LDLRAD4: variants seen among roughly 807,000 people sequenced by gnomAD.
LDLRAD4 encodes low-density lipoprotein receptor class A domain-containing protein 4.
LDLRAD4 carries 5 observed loss-of-function variants against 17.0 expected under a neutral mutation model. The observed-to-expected ratio is 0.29, with a 90% confidence interval of 0.15 to 0.62. The LOEUF (loss-of-function observed/expected upper bound fraction) is 0.62. Ranked by LOEUF, LDLRAD4 falls within the 20% of genes least tolerant of loss-of-function variation. The pLI is 0.84. For synonymous variants in LDLRAD4, 168 were observed against 171.8 expected, an observed-to-expected ratio of 0.98 and a Z score of 0.17; for missense variants, 340 against 424.7, an observed-to-expected ratio of 0.80 and a Z score of 1.75.
At chr18:13,305,897 T>TA (rs2046883294) in intron 1 of LDLRAD4, among the ~76,000 whole-genome samples, 1 of 152,168 alleles carries the variant, frequency 6.6e-6, no homozygotes, top group African/African-American at 2.4e-5. Flanking sequence ...CTATAGACTC[T>TA]AATAAGATTT....
chr18:13,440,299 A>G lies in LDLRAD4; in HGVS notation c.181+1915A>G, dbSNP rs7242431. Among the ~76,000 whole-genome samples, 1 of 151,950 alleles carries G rather than the reference A, an allele frequency of 6.6e-6. No homozygotes were observed. The highest frequency in any genetic ancestry group is 2.4e-5 in the African/African-American group (1 of 41,342). On this transcript the variant is annotated intron_variant, in intron 3 of 5. Transcript: ENST00000359446. This position sits in a 1 kb window ranked among gnomAD's most constrained non-coding sequence, Gnocchi z 4.4. ...CTCCTCCCTCGCTCCCTTTCTTGTC[A>G]GTATTCTTTCCGGTTTTTGAGGCCT...
chr18:13,279,790 C>G (rs890798555), intron 1 of LDLRAD4: 3 of 152,348 alleles, frequency 2.0e-5, no homozygotes, highest in Non-Finnish European at 4.4e-5. Flanking sequence ...CTCTGCAGAA[C>G]TGCGTGGCGC....
intron 1 of LDLRAD4, among the ~76,000 whole-genome samples, chr18:13,379,363 A>C (rs561154321): frequency 6.6e-6 from 1 of 152,334 alleles, no homozygotes; most frequent in East Asian, 1.9e-4. Flanking sequence ...CCATAGATTG[A>C]AAAGGAGGTG....
At chr18:13,226,180 C>CTTTTGTT (rs2041782443) in intron 1 of LDLRAD4, among the ~76,000 whole-genome samples, 1 of 52,188 alleles carries the variant, frequency 1.9e-5, no homozygotes, top group Non-Finnish European at 3.3e-5. Flanking sequence ...CCATGCCTTG[C>CTTTTGTT]TTTTTTTTTT....
intron 1 of LDLRAD4, among the ~76,000 whole-genome samples, chr18:13,220,079 C>T (rs901702182): frequency 1.3e-5 from 2 of 152,182 alleles, no homozygotes; most frequent in Non-Finnish European, 2.9e-5. Context: ...ATTTGGTTTC[C>T]CATCAACCCT....
chr18:13,314,277 AT>A (rs1365872488), intron 1 of LDLRAD4, among the ~76,000 whole-genome samples: 1 of 152,212 alleles, frequency 6.6e-6, no homozygotes, highest in Non-Finnish European at 1.5e-5. Context: ...TTTTGTTCTG[AT>A]TTAGTGGAAT....
chr18:13,588,411 T>C (rs551968369), intron 3 of LDLRAD4, among the ~76,000 whole-genome samples: 38 of 152,350 alleles, frequency 2.5e-4, no homozygotes, highest in African/African-American at 8.7e-4. Flanking sequence ...AATCTATTGA[T>C]TTCTTCATTT....
intron 3 of LDLRAD4, among the ~76,000 whole-genome samples, chr18:13,538,815 T>G (rs1356581047): frequency 6.6e-6 from 1 of 152,228 alleles, no homozygotes; most frequent in Non-Finnish European, 1.5e-5. Flanking sequence ...CATGAGCCAC[T>G]GTGCCTGGCC....
chr18:13,304,357 CAGTT>C (rs1453319280), intron 1 of LDLRAD4, among the ~76,000 whole-genome samples: 25 of 152,334 alleles, frequency 1.6e-4, no homozygotes, highest in African/African-American at 5.3e-4. Context: ...CCTGAGCTCA[CAGTT>C]GGTTGGTACT....
At chr18:13,609,404 G>A (rs759568990) in intron 3 of LDLRAD4, among the ~76,000 whole-genome samples, 6 of 152,094 alleles carry the variant, frequency 3.9e-5, no homozygotes, top group Non-Finnish European at 7.4e-5. Context: ...TAGTACATCC[G>A]CCCAGACAGC....
chr18:13,249,594 TC>T (rs1247777228), intron 1 of LDLRAD4, among the ~76,000 whole-genome samples: 3 of 151,112 alleles, frequency 2.0e-5, no homozygotes, highest in African/African-American at 7.4e-5. Context: ...TAAAATTAGA[TC>T]TTTTTTTTTT....
rs72874888 is a variant in LDLRAD4 at position 13,425,705 on chromosome 18, G to A, written c.41-12539G>A. The stretch of plus-strand genomic sequence containing the variant: ...GAGTGAGGACCAGCGTGAGTTTTCC[G>A]TGCTGGGGTTGACGGCCTGGGGAGG... On this transcript the variant is annotated intron_variant, in intron 2 of 5. Transcript: ENST00000359446. 5.9e-5 allele frequency among the ~76,000 whole-genome samples: 9 copies of A among 152,360 alleles called. No individual in the cohort carries two copies. The South Asian group carries it at 1.2e-3, about 21-fold the overall frequency.
chr18:13,550,527 A>T (rs1361070215), intron 3 of LDLRAD4, among the ~76,000 whole-genome samples: 1 of 152,218 alleles, frequency 6.6e-6, no homozygotes, highest in East Asian at 1.9e-4. Flanking sequence ...TCATAAACAC[A>T]TGCTGTGAGA....
intron 2 of LDLRAD4, among the ~76,000 whole-genome samples, chr18:13,404,036 C>T (rs1027783521): frequency 3.3e-5 from 5 of 152,242 alleles, no homozygotes; most frequent in African/African-American, 1.2e-4. Flanking sequence ...TTGATTCCCA[C>T]CCTGTCCCCC....
chr18:13,405,114 C>T (rs576980810), intron 2 of LDLRAD4, among the ~76,000 whole-genome samples: 9 of 151,428 alleles, frequency 5.9e-5, no homozygotes, highest in South Asian at 2.1e-4. Flanking sequence ...TGAACAAATA[C>T]AAAATTATTA....
chr18:13,532,754 G>A (rs962254894), intron 3 of LDLRAD4, among the ~76,000 whole-genome samples: 1 of 152,212 alleles, frequency 6.6e-6, no homozygotes, highest in African/African-American at 2.4e-5. Context: ...AATAGCAGTG[G>A]CGCTTGTGAA....
rs1363984779 is a variant in LDLRAD4, at chr18:13,261,986, A to G, written c.-466-16119A>G. The stretch of plus-strand genomic sequence containing the variant: ...GTCCCGTGTGGCTCTGTGTGTGGAA[A>G]CTGAGTCCCGTGGGGCTCTGTGCGT... On this transcript the variant is annotated intron_variant, in intron 1 of 5. Transcript: ENST00000399848. Among the ~76,000 whole-genome samples the G allele has an allele frequency of 2.0e-3, 301 of 149,128 alleles. 1 individual carries two copies. Among genetic ancestry groups the G allele is most frequent in the South Asian group, 0.012 (54 of 4,516 alleles).
chr18:13,322,379 A>G (rs1038297463), intron 1 of LDLRAD4, among the ~76,000 whole-genome samples: 16 of 143,480 alleles, frequency 1.1e-4, no homozygotes, highest in Non-Finnish European at 2.1e-4. Flanking sequence ...GGCTCACTGC[A>G]ACCTCCACCT....
At chr18:13,582,932 G>A (rs1363878928) in intron 3 of LDLRAD4, among the ~76,000 whole-genome samples, 4 of 152,176 alleles carry the variant, frequency 2.6e-5, no homozygotes, top group Non-Finnish European at 4.4e-5. Context: ...GCCCAGGCTT[G>A]TCTCCAACTC....
Sources: gnomAD v4.1 joint callset for allele counts (sites outside exome capture counted in the v4.1 genomes callset) on GRCh38, gnomAD v4.1.1 for gene constraint, Gnocchi (gnomAD v3.1) non-coding constraint, MANE v1.5 for transcripts, NCBI Gene and HGNC (gene_info 2026-07-23, HGNC 2026-07-21) for gene names.